RASAL2: variants seen among roughly 807,000 people sequenced by gnomAD.
The protein encoded by RASAL2 is RAS protein activator like 2.
Under a neutral mutation model 128.9 loss-of-function variants are expected in RASAL2, and 58 were observed. The ratio of observed to expected loss-of-function variants is 0.45; its 90% CI spans 0.36 to 0.56. The LOEUF (loss-of-function observed/expected upper bound fraction) is 0.56, where lower values mean the gene tolerates loss of function less well. Ranked by LOEUF, RASAL2 falls within the 20% of genes least tolerant of loss-of-function variation. The pLI is 0.00. For synonymous variants in RASAL2, 561 were observed against 580.8 expected (o/e 0.97, Z 0.49); for missense variants, 1,360 against 1,601.6 (o/e 0.85, Z 2.57).
At chr1:178,424,375 T>C (rs1206449534) in intron 5 of RASAL2, among the ~76,000 whole-genome samples, 1 of 152,126 alleles carries the variant, frequency 6.6e-6, no homozygotes, top group Non-Finnish European at 1.5e-5. Flanking sequence ...CCTGAGTAGC[T>C]TGGATTGCAG....
chr1:178,124,311 G>C (rs1234684399), intron 1 of RASAL2, among the ~76,000 whole-genome samples: 1 of 152,074 alleles, frequency 6.6e-6, no homozygotes, highest in Non-Finnish European at 1.5e-5. Context: ...AGACATTTTT[G>C]GTTGTCACAA....
chr1:178,177,606 T>C (rs1415682680), intron 1 of RASAL2, among the ~76,000 whole-genome samples: 2 of 152,018 alleles, frequency 1.3e-5, no homozygotes, highest in Non-Finnish European at 2.9e-5. Flanking sequence ...GATCTTTGAG[T>C]TGGGATTAAA....
intron 4 of RASAL2, among the ~76,000 whole-genome samples, chr1:178,409,468 G>A (rs940602099): frequency 6.6e-6 from 1 of 152,162 alleles, no homozygotes; most frequent in East Asian, 1.9e-4. Context: ...TATCAAAAAG[G>A]ATGATTCAGC....
At chr1:178,347,672 A>G (rs1307570246) in intron 3 of RASAL2, among the ~76,000 whole-genome samples, 1 of 152,226 alleles carries the variant, frequency 6.6e-6, no homozygotes, top group Non-Finnish European at 1.5e-5. Context: ...GTTGATAAGT[A>G]TCTGGAACAA....
intron 2 of RASAL2, among the ~76,000 whole-genome samples, chr1:178,291,816 C>T (rs1667290524): frequency 6.6e-6 from 1 of 152,074 alleles, no homozygotes; most frequent in Admixed American, 6.5e-5. Context: ...GCAGGTGGAT[C>T]ACGAGGTCAG....
intron 1 of RASAL2, among the ~76,000 whole-genome samples, chr1:178,134,813 A>T (rs909138162): frequency 1.3e-5 from 2 of 152,252 alleles, no homozygotes; most frequent in African/African-American, 4.8e-5. Flanking sequence ...AGTACAATCA[A>T]ATCACTGGCT....
chr1:178,385,204 G>C (rs929473646), intron 3 of RASAL2, among the ~76,000 whole-genome samples: 3 of 152,164 alleles, frequency 2.0e-5, no homozygotes, highest in Non-Finnish European at 4.4e-5. Context: ...TGTAACCCTA[G>C]CACTTTGGGA....
At chr1:178,340,033 G>A (rs935052661) in intron 3 of RASAL2, among the ~76,000 whole-genome samples, 2 of 152,122 alleles carry the variant, frequency 1.3e-5, no homozygotes, top group Middle Eastern at 3.4e-3. Context: ...TGCTCATATT[G>A]TACACAAACC....
chr1:178,357,399 A>T (rs986954608), intron 3 of RASAL2, among the ~76,000 whole-genome samples: 35 of 150,688 alleles, frequency 2.3e-4, no homozygotes, highest in African/African-American at 8.5e-4. Context: ...TGTAAAAGCT[A>T]CCCTTTATCA....
At position 178,266,359 on chromosome 1, in the gene RASAL2, A is replaced by G. The variant is rs542603118; in HGVS notation, c.203-17205A>G. 3.4e-4 allele frequency among the ~76,000 whole-genome samples: 52 copies of G among 152,290 alleles called. 1 individual carries two copies. The South Asian group carries it at 8.5e-3, about 25-fold the overall frequency. ...GAGCATCTTTTTACATGTTAAATGG[A>G]CATTTGGATATTCTTTTTTGTGAAG... is the stretch of plus-strand genomic sequence containing the variant. On this transcript the variant is annotated intron_variant, in intron 1 of 17. Coordinates refer to ENST00000367649, the MANE Select transcript of RASAL2 (RefSeq NM_170692.4).
chr1:178,422,298 G>A (rs1557976844), intron 5 of RASAL2, among the ~76,000 whole-genome samples: 1 of 151,924 alleles, frequency 6.6e-6, no homozygotes, highest in Non-Finnish European at 1.5e-5. Flanking sequence ...CTATTATATA[G>A]TTACTGTATT....
chr1:178,123,498 C>T (rs565399654), intron 1 of RASAL2, among the ~76,000 whole-genome samples: 1 of 152,282 alleles, frequency 6.6e-6, no homozygotes, highest in East Asian at 1.9e-4. Flanking sequence ...CTAAAAACTA[C>T]ATTTACAGTT....
chr1:178,432,423 TTTC>T (rs562072291), intron 5 of RASAL2, among the ~76,000 whole-genome samples: 1 of 152,048 alleles, frequency 6.6e-6, no homozygotes, highest in Non-Finnish European at 1.5e-5. Flanking sequence ...TCACCTGGTT[TTTC>T]TTCTTTCTCA....
At chr1:178,259,486 T>C (rs1665554062) in intron 1 of RASAL2, among the ~76,000 whole-genome samples, 1 of 152,250 alleles carries the variant, frequency 6.6e-6, no homozygotes, top group Non-Finnish European at 1.5e-5. Flanking sequence ...TGTTGAATTG[T>C]ACACTTTAAA....
chr1:178,431,890 T>A (rs1463189297), intron 5 of RASAL2, among the ~76,000 whole-genome samples: 3 of 148,736 alleles, frequency 2.0e-5, no homozygotes, highest in Admixed American at 6.7e-5. Flanking sequence ...GTTAAATACA[T>A]GCAAATATAT....
intron 1 of RASAL2, among the ~76,000 whole-genome samples, chr1:178,180,484 C>T (rs1261910753): frequency 4.7e-5 from 1 of 21,478 alleles, no homozygotes; most frequent in Non-Finnish European, 1.1e-4. Context: ...CTCATCTCTA[C>T]CAAAAAAAAA....
chr1:178,269,912 C>T (rs965044831), intron 1 of RASAL2, among the ~76,000 whole-genome samples: 22 of 152,120 alleles, frequency 1.4e-4, no homozygotes, highest in African/African-American at 4.1e-4. Context: ...GGGTCTGGAT[C>T]GGGACCCTTT....
chr1:178,274,510 G>C (rs1487431727), intron 1 of RASAL2, among the ~76,000 whole-genome samples: 3 of 152,124 alleles, frequency 2.0e-5, no homozygotes, highest in South Asian at 2.1e-4. Flanking sequence ...ACATGAAAAT[G>C]ATCTTGAGTT....
intron 1 of RASAL2, among the ~76,000 whole-genome samples, chr1:178,186,396 T>G (rs1182870528): frequency 6.6e-6 from 1 of 151,472 alleles, no homozygotes; most frequent in Non-Finnish European, 1.5e-5. Context: ...ACTCTGTTAT[T>G]TTTTTTACTT....
Sources: gnomAD v4.1 joint callset for allele counts (sites outside exome capture counted in the v4.1 genomes callset) on GRCh38, gnomAD v4.1.1 for gene constraint, MANE v1.5 for transcripts, NCBI Gene and HGNC (gene_info 2026-07-23, HGNC 2026-07-21) for gene names.